PACRG: variants seen among roughly 807,000 people sequenced by gnomAD.
PACRG encodes the protein parkin coregulated gene protein.
A neutral mutation model predicts 29.7 loss-of-function variants in PACRG; 29 were observed. The ratio of observed to expected loss-of-function variants is 0.98; its 90% CI spans 0.73 to 1.33. The LOEUF is 1.33. Among genes scored for constraint, PACRG ranks in the 40% most tolerant of loss-of-function variants. The pLI is 0.00. For synonymous variants in PACRG, 116 were observed against 118.7 expected (o/e 0.98, Z 0.15); for missense variants, 279 against 316.2 (o/e 0.88, Z 0.89).
chr6:163,271,883 TCA>T (rs1783844435), intron 4 of PACRG, among the ~76,000 whole-genome samples: 1 of 152,228 alleles, frequency 6.6e-6, no homozygotes, highest in Admixed American at 6.5e-5. Context: ...TTTGTAATGC[TCA>T]GTTTCCCTGA....
intron 4 of PACRG, among the ~76,000 whole-genome samples, chr6:163,157,826 C>A (rs1349185658): frequency 1.3e-5 from 2 of 152,124 alleles, no homozygotes; most frequent in African/African-American, 2.4e-5. Flanking sequence ...CTTCAGTGAA[C>A]CTTTCTTGAG....
At chr6:163,233,300 TTGA>T (rs1160845975) in intron 4 of PACRG, among the ~76,000 whole-genome samples, 1 of 152,214 alleles carries the variant, frequency 6.6e-6, no homozygotes, top group Non-Finnish European at 1.5e-5. Context: ...GCTGAACTGA[TTGA>T]TGAACAAAAA....
rs549580999 is a variant in PACRG, at chr6:163,067,747, T to C, written c.463+5426T>C. ...TTAGCAGGGACTGCCAGTCACCTCATGTTGATTAGAATTTAACTCCCCTCC... is the reference window on the plus strand; with the variant it reads ...TTAGCAGGGACTGCCAGTCACCTCACGTTGATTAGAATTTAACTCCCCTCC... On this transcript the variant is annotated intron_variant, in intron 3 of 4. Coordinates refer to ENST00000366888, the MANE Select transcript of PACRG (RefSeq NM_001080379.2). Among the ~76,000 whole-genome samples the C allele has an allele frequency of 9.6e-4, 146 of 152,340 alleles. No individual in the cohort carries two copies. The Middle Eastern group carries it at 0.01, about 11-fold the overall frequency.
At chr6:162,805,290 A>G (rs1175378485) in intron 1 of PACRG, among the ~76,000 whole-genome samples, 1 of 152,198 alleles carries the variant, frequency 6.6e-6, no homozygotes, top group East Asian at 1.9e-4. Flanking sequence ...CATATAAATT[A>G]TATTTATACT....
intron 4 of PACRG, among the ~76,000 whole-genome samples, chr6:163,154,940 G>A (rs1233090723): frequency 6.6e-6 from 1 of 151,676 alleles, no homozygotes; most frequent in Middle Eastern, 3.2e-3. Flanking sequence ...CTACCTTAGA[G>A]GAGATGAGCA....
chr6:163,193,939 C>T (rs1430570115), intron 4 of PACRG, among the ~76,000 whole-genome samples: 2 of 143,772 alleles, frequency 1.4e-5, no homozygotes, highest in African/African-American at 5.2e-5. Flanking sequence ...GTCACCCAGG[C>T]TGGAGTGCAG....
intron 2 of PACRG, among the ~76,000 whole-genome samples, chr6:162,971,474 T>A (rs1223162009): frequency 1.3e-5 from 2 of 152,146 alleles, no homozygotes; most frequent in Non-Finnish European, 2.9e-5. Context: ...AGGAAACCAG[T>A]CAGTGTCTGA....
intron 2 of PACRG, among the ~76,000 whole-genome samples, chr6:162,948,720 G>A (rs1416084501): frequency 6.6e-6 from 1 of 151,772 alleles, no homozygotes; most frequent in Non-Finnish European, 1.5e-5. Flanking sequence ...TTTTAAAATG[G>A]GCAAAAAATC....
chr6:162,962,444 G>T (rs1800701360), intron 2 of PACRG, among the ~76,000 whole-genome samples: 1 of 152,198 alleles, frequency 6.6e-6, no homozygotes, highest in African/African-American at 2.4e-5. Flanking sequence ...AATGCCCCCA[G>T]ATTCACACCT....
At chr6:163,142,679 C>T (rs1372740544) in intron 4 of PACRG, among the ~76,000 whole-genome samples, 1 of 152,162 alleles carries the variant, frequency 6.6e-6, no homozygotes, top group East Asian at 1.9e-4. Flanking sequence ...AACATGTTGT[C>T]ATATTTAAAA....
chr6:163,070,026 G>A (rs1811898342), intron 3 of PACRG, among the ~76,000 whole-genome samples: 2 of 152,058 alleles, frequency 1.3e-5, no homozygotes, highest in Admixed American at 1.3e-4. Flanking sequence ...TTACAGTGCT[G>A]AAGGAAAAAA....
At chr6:163,042,578 A>G (rs922610122) in intron 2 of PACRG, 3 of 152,162 alleles carry the variant, frequency 2.0e-5, no homozygotes, top group Non-Finnish European at 2.9e-5. Flanking sequence ...CTACTTTATT[A>G]TTATGACTTG....
intron 2 of PACRG, among the ~76,000 whole-genome samples, chr6:163,002,617 C>T (rs1804691527): frequency 6.6e-6 from 1 of 152,116 alleles, no homozygotes; most frequent in South Asian, 2.1e-4. Context: ...ATCAGTTAAT[C>T]ATTTAGTTAA....
At chr6:162,877,574 T>C (rs762487969) in intron 2 of PACRG, among the ~76,000 whole-genome samples, 6 of 147,324 alleles carry the variant, frequency 4.1e-5, no homozygotes, top group Non-Finnish European at 7.5e-5. Flanking sequence ...TCCCAGAACT[T>C]AAAATATAAT....
At chr6:162,797,601 G>A (rs1785491613) in intron 1 of PACRG, among the ~76,000 whole-genome samples, 1 of 152,140 alleles carries the variant, frequency 6.6e-6, no homozygotes, top group African/African-American at 2.4e-5. Context: ...CAATAAATAA[G>A]TAGCTCTTGT....
chr6:163,239,914 A>G (rs1782412689), intron 4 of PACRG, among the ~76,000 whole-genome samples: 2 of 133,922 alleles, frequency 1.5e-5, no homozygotes, highest in Non-Finnish European at 1.6e-5. Flanking sequence ...ACACGCTCAT[A>G]CTTCCATCCA....
chr6:162,776,898 A>G (rs2128308745), intron 1 of PACRG, among the ~76,000 whole-genome samples: 1 of 152,266 alleles, frequency 6.6e-6, no homozygotes, highest in East Asian at 1.9e-4. Context: ...GCTAGCATTA[A>G]AAGGCATAAG....
rs147638806 is a variant in PACRG, at chr6:162,855,179, C to A, written c.291+40898C>A. ...GACTCGGCGTAAGCTGGAGATAATG[C>A]CCAGCGCTGACACCTGGTAGAGCTG... On this transcript the variant is annotated intron_variant, in intron 2 of 4. Coordinates refer to ENST00000366888, the MANE Select transcript of PACRG (RefSeq NM_001080379.2). Among the ~76,000 whole-genome samples, 718 of 152,330 alleles carry A rather than the reference C, an allele frequency of 4.7e-3. 4 individuals are homozygous for A. The highest frequency in any genetic ancestry group is 0.016 in the African/African-American group (670 of 41,568).
chr6:163,115,000 T>C (rs1431735000), intron 4 of PACRG, among the ~76,000 whole-genome samples: 1 of 152,204 alleles, frequency 6.6e-6, no homozygotes, highest in Admixed American at 6.5e-5. Flanking sequence ...GTCAATTATA[T>C]CTCAACAAAG....
Sources: allele counts gnomAD v4.1 joint callset (sites outside exome capture counted in the v4.1 genomes callset), GRCh38; gene constraint gnomAD v4.1.1; transcripts MANE v1.5; gene names NCBI Gene and HGNC (gene_info 2026-07-23, HGNC 2026-07-21).